GSE1: variants seen among roughly 807,000 people sequenced by gnomAD.
The protein encoded by GSE1 is Gse1 coiled-coil protein.
In GSE1, 32 loss-of-function variants were observed where a neutral mutation model predicts 112.6. The observed-to-expected ratio is 0.28, with a 90% CI of 0.21 to 0.38. The LOEUF (loss-of-function observed/expected upper bound fraction) is 0.38, where lower values mean the gene tolerates loss of function less well. GSE1 is among the 10% of genes least tolerant of loss of function. GSE1 has a pLI of 1.00. For synonymous variants in GSE1, 1,115 were observed against 735.6 expected (o/e 1.52, Z -8.35); for missense variants, 2,348 against 1,699.2 (o/e 1.38, Z -6.71).
At chr16:85,633,375 G>T (rs960837540) in intron 1 of GSE1, among the ~76,000 whole-genome samples, 6 of 152,176 alleles carry the variant, frequency 3.9e-5, no homozygotes, top group Non-Finnish European at 8.8e-5. Flanking sequence ...TTCCTTTTCT[G>T]TAACGTGGGG....
intron 1 of GSE1, among the ~76,000 whole-genome samples, chr16:85,236,051 T>TGGTGCC (rs1280817262): frequency 2.0e-4 from 31 of 152,080 alleles, no homozygotes; most frequent in African/African-American, 6.5e-4. Flanking sequence ...GGGCTGGGGC[T>TGGTGCC]GGTGCCGCCC....
At chr16:85,368,783 C>G (rs1038351856) in intron 2 of GSE1, among the ~76,000 whole-genome samples, 1 of 152,108 alleles carries the variant, frequency 6.6e-6, no homozygotes, top group African/African-American at 2.4e-5. Context: ...TGTAGACCAC[C>G]CTGTTTTCTC....
intron 2 of GSE1, among the ~76,000 whole-genome samples, chr16:85,416,843 TTTTG>T (rs924242223): frequency 1.4e-4 from 21 of 152,180 alleles, no homozygotes; most frequent in Admixed American, 9.8e-4. Flanking sequence ...TTGTTTTGTT[TTTTG>T]TTTGTTTGTT....
At chr16:85,496,785 G>A (rs1039261759) in intron 2 of GSE1, among the ~76,000 whole-genome samples, 1 of 152,198 alleles carries the variant, frequency 6.6e-6, no homozygotes, top group African/African-American at 2.4e-5. Context: ...AGGGACCCAG[G>A]ACAGGCAGGG....
rs2051682509 is a variant in GSE1, at chr16:85,510,102, A to G, written c.2465-123812A>G. Among the ~76,000 whole-genome samples, 3 of 152,296 alleles carry G rather than the reference A, an allele frequency of 2.0e-5. No individual in the cohort carries two copies. The South Asian group carries it at 6.2e-4, about 32-fold the overall frequency. ...CAAGCACCCCCATGCCGCCACCATCAGATGTACCCGCCCTGGAGCCCTCAG... is the reference window on the plus strand; with the variant it reads ...CAAGCACCCCCATGCCGCCACCATCGGATGTACCCGCCCTGGAGCCCTCAG... On this transcript the variant is annotated intron_variant, in intron 2 of 2. Coordinates refer to the GSE1 transcript ENST00000637419.
At chr16:85,499,383 T>G (rs2051289703) in intron 2 of GSE1, among the ~76,000 whole-genome samples, 2 of 133,380 alleles carry the variant, frequency 1.5e-5, no homozygotes, top group African/African-American at 5.6e-5. Context: ...TGATCTCGGC[T>G]CACTGCAAGC....
At chr16:85,187,897 G>A (rs1451637034) in intron 1 of GSE1, among the ~76,000 whole-genome samples, 1 of 152,222 alleles carries the variant, frequency 6.6e-6, no homozygotes, top group African/African-American at 2.4e-5. Flanking sequence ...CCACTCAAAG[G>A]CCGTGGGAAT....
At chr16:85,424,842 A>T (rs1380011220) in intron 2 of GSE1, among the ~76,000 whole-genome samples, 1 of 152,262 alleles carries the variant, frequency 6.6e-6, no homozygotes, top group Non-Finnish European at 1.5e-5. Context: ...CTGCCCGCGC[A>T]GCTGTCACTT....
chr16:85,555,729 G>T, upstream of GSE1: 1 of 966,908 alleles, frequency 1.0e-6, no homozygotes, highest in Non-Finnish European at 1.2e-6. Flanking sequence ...GTTGGAAACA[G>T]GTCTCTTGAC....
At chr16:85,376,930 G>A (rs1030316614) in intron 2 of GSE1, among the ~76,000 whole-genome samples, 2 of 152,194 alleles carry the variant, frequency 1.3e-5, no homozygotes, top group Non-Finnish European at 2.9e-5. Flanking sequence ...GTTACCCGAC[G>A]GCCCCTCCTG....
Position 85,586,166 on chromosome 16 carries a change from G to A in GSE1, c.37+29803G>A, listed in dbSNP as rs769391706. On this transcript the variant is annotated intron_variant, in intron 1 of 2. Coordinates refer to the GSE1 transcript ENST00000635906. Reference sequence around the variant, plus strand: ...TGTCCAGATTTCCCCTTGTTAGAAGGACTCCAGTCAGTGGGTTCAGGCCCA... The same window carrying A: ...TGTCCAGATTTCCCCTTGTTAGAAGAACTCCAGTCAGTGGGTTCAGGCCCA... Among the ~76,000 whole-genome samples the A allele has an allele frequency of 5.3e-4, 80 of 152,180 alleles. 1 individual carries two copies. The highest frequency in any genetic ancestry group is 1.1e-3 in the Non-Finnish European group (72 of 68,040).
chr16:85,585,100 A>G (rs2046628250), intron 1 of GSE1, among the ~76,000 whole-genome samples: 2 of 152,248 alleles, frequency 1.3e-5, no homozygotes, highest in African/African-American at 2.4e-5. Flanking sequence ...AGGTGAAAAA[A>G]AAAGGCGTGA....
intron 1 of GSE1, among the ~76,000 whole-genome samples, chr16:85,221,845 C>T (rs1051405195): frequency 1.3e-5 from 2 of 152,184 alleles, no homozygotes; most frequent in African/African-American, 4.8e-5. Flanking sequence ...CCAGAGCCCA[C>T]GTCAGTCCCG....
Position 85,661,383 on chromosome 16 carries a change from G to C in GSE1, c.1878G>C (p.Glu626Asp). The change falls in exon 9 of 16, where the codon GAG becomes GAC. Residue 626 changes from glutamate (E) to aspartate (D), a missense_variant. Transcript: ENST00000253458. ...CAGCCGTGCCGCTGGTGAAGGTGGA[G>C]CGGGTCTTCTGCCCGGAGAAAGCAG... ...RQAAVPLVKV[E>D]RVFCPEKAEE... 6.2e-7 allele frequency: 1 copy of C among 1,612,394 alleles called. No individual in the cohort carries two copies. The highest frequency in any genetic ancestry group is 8.5e-7 in the Non-Finnish European group (1 of 1,179,762).
chr16:85,325,894 G>A (rs542670515), intron 1 of GSE1, among the ~76,000 whole-genome samples: 7 of 151,846 alleles, frequency 4.6e-5, no homozygotes, highest in East Asian at 3.9e-4. Context: ...GATTACAGGC[G>A]CATGCCATCG....
intron 2 of GSE1, among the ~76,000 whole-genome samples, chr16:85,473,000 G>A (rs1445342285): frequency 6.6e-6 from 1 of 152,284 alleles, no homozygotes; most frequent in African/African-American, 2.4e-5. Flanking sequence ...GCACAGGCGA[G>A]GGAGGCTGAG....
chr16:85,288,259 G>T (rs915131213), intron 1 of GSE1, among the ~76,000 whole-genome samples: 2 of 152,066 alleles, frequency 1.3e-5, no homozygotes, highest in African/African-American at 4.8e-5. Context: ...GAAAAGAAAA[G>T]AAATAAGTAC....
At position 85,463,528 on chromosome 16, in the gene GSE1, C is replaced by T. The variant is rs146445209; in HGVS notation, c.2464+105885C>T. The stretch of plus-strand genomic sequence containing the variant: ...CCAACCCTGGCAGGGCCCCTCGTGC[C>T]TGCAGTGACCCGGGAGGTGGGAAAT... On this transcript the variant is annotated intron_variant, in intron 2 of 2. Coordinates refer to the GSE1 transcript ENST00000637419. Among the ~76,000 whole-genome samples the T allele has an allele frequency of 6.0e-3, 912 of 152,296 alleles. 5 individuals are homozygous for T. The highest frequency in any genetic ancestry group is 0.01 in the Non-Finnish European group (699 of 68,032).
chr16:85,554,764 G>A, upstream of GSE1: 1 of 550,258 alleles, frequency 1.8e-6, no homozygotes, highest in Non-Finnish European at 2.3e-6. Flanking sequence ...GGCTCCCGCA[G>A]CTGTCAGTCG....
Sources: allele counts gnomAD v4.1 joint callset (sites outside exome capture counted in the v4.1 genomes callset), GRCh38; gene constraint gnomAD v4.1.1; transcripts MANE v1.5; gene names NCBI Gene and HGNC (gene_info 2026-07-23, HGNC 2026-07-21).